The following NR4A3 variants were observed in gnomAD, a reference collection of about 807,000 sequenced individuals.
The protein encoded by NR4A3 is chondrosarcoma, extraskeletal myxoid, fused to EWS.
Under a neutral mutation model 55.6 loss-of-function variants are expected in NR4A3, and 13 were observed. The observed-to-expected ratio is 0.23, with a 90% confidence interval of 0.15 to 0.37. The LOEUF (loss-of-function observed/expected upper bound fraction) is 0.37, where lower values mean the gene tolerates loss of function less well. Ranked by LOEUF, NR4A3 falls within the 10% of genes least tolerant of loss-of-function variation. The probability of loss-of-function intolerance (pLI) is 1.00; values close to 1 mark genes in which losing one functional copy is unlikely to be tolerated. For missense variants in NR4A3, 646 were observed against 822.8 expected (o/e 0.79, Z 2.63); for synonymous variants, 342 against 357.9 (o/e 0.96, Z 0.50).
At chr9:99,837,824 G>T (rs1046950753) in intron 5 of NR4A3, among the ~76,000 whole-genome samples, 11 of 152,192 alleles carry the variant, frequency 7.2e-5, no homozygotes, top group Non-Finnish European at 1.0e-4. Context: ...TGTGTTGCCA[G>T]CCCAGTATGT....
Position 99,864,517 on chromosome 9 carries a change from T to C in NR4A3, c.*650T>C. ...GTCTTACTAAGTCTTGTTTATTAAC[T>C]CTCCTTTATTCTATATGGAAATAAA... is the stretch of plus-strand genomic sequence containing the variant. On this transcript the variant is annotated 3_prime_UTR_variant, in exon 8 of 8. Coordinates refer to ENST00000395097, the MANE Select transcript of NR4A3 (RefSeq NM_006981.4). 1 of 227,102 alleles carries C rather than the reference T, an allele frequency of 4.4e-6. No homozygotes were observed. Among genetic ancestry groups the C allele is most frequent in the East Asian group, 6.4e-5 (1 of 15,686 alleles). 14.1% of individuals were successfully genotyped at this position (227,102 alleles called of 1,614,324 possible).
intron 6 of NR4A3, 148 bp downstream of exon 6, chr9:99,844,996 G>A (rs1453108258): frequency 3.6e-5 from 25 of 701,510 alleles, no homozygotes; most frequent in Middle Eastern, 4.0e-4. Context: ...AGCGAGTCAC[G>A]GAGGGAGCAC....
intron 6 of NR4A3, among the ~76,000 whole-genome samples, chr9:99,845,949 A>G (rs1226763062): frequency 1.3e-5 from 2 of 152,214 alleles, no homozygotes; most frequent in African/African-American, 4.8e-5. Flanking sequence ...CAGCAATGTG[A>G]CTGTCATCTA....
intron 7 of NR4A3, 76 bp downstream of exon 7, chr9:99,847,691 C>A: frequency 7.4e-7 from 1 of 1,352,586 alleles, no homozygotes; most frequent in Non-Finnish European, 1.0e-6. Context: ...GCCTTGACCA[C>A]TACACACACC....
intron 5 of NR4A3, chr9:99,833,819 T>C: frequency 7.7e-7 from 1 of 1,296,128 alleles, no homozygotes; most frequent in East Asian, 3.4e-5. Context: ...GTTCAAACCA[T>C]CTGGGTGAGC....
intron 7 of NR4A3, among the ~76,000 whole-genome samples, chr9:99,853,178 C>G (rs1337042154): frequency 6.6e-6 from 1 of 151,978 alleles, no homozygotes; most frequent in East Asian, 1.9e-4. Flanking sequence ...CTAATATGTA[C>G]TATGCAGAAA....
chr9:99,853,428 C>T (rs1827887823), intron 7 of NR4A3, among the ~76,000 whole-genome samples: 1 of 116,160 alleles, frequency 8.6e-6, no homozygotes, highest in Non-Finnish European at 1.8e-5. Flanking sequence ...GCTGCACCCA[C>T]TAATGTGTCA....
chr9:99,823,701 C>T (rs1427699134), intron 1 of NR4A3, among the ~76,000 whole-genome samples: 2 of 152,102 alleles, frequency 1.3e-5, no homozygotes, highest in Non-Finnish European at 2.9e-5. Flanking sequence ...ATCAAAGCCT[C>T]CTTAGGCCAC....
chr9:99,827,915 GA>G, intron 2 of NR4A3, 125 bp from the exon 3 acceptor site: 1 of 1,153,744 alleles, frequency 8.7e-7, no homozygotes, highest in Non-Finnish European at 1.2e-6. Flanking sequence ...TATGCTACCA[GA>G]AGGAGGAGAG....
rs974974955 is a variant in NR4A3, at chr9:99,866,305, G to A, written c.*2438G>A. On this transcript the variant is annotated 3_prime_UTR_variant, in exon 8 of 8. Coordinates refer to ENST00000395097, the MANE Select transcript of NR4A3 (RefSeq NM_006981.4). The stretch of plus-strand genomic sequence containing the variant: ...GAAAGTTAATCCTTGTTTTTGTCGT[G>A]TCTATAAAGGAAGAACAAAACAAAA... 10 of 221,914 alleles carry A rather than the reference G, an allele frequency of 4.5e-5. No homozygotes were observed. Among genetic ancestry groups the A allele is most frequent in the African/African-American group, 1.8e-4 (8 of 44,834 alleles). The allele number at this position is 221,914 out of a possible 1,614,324, so 13.7% of individuals were successfully genotyped here.
chr9:99,826,939 T>TG, intron 2 of NR4A3: 1 of 699,354 alleles, frequency 1.4e-6, no homozygotes, highest in Non-Finnish European at 2.5e-6. Flanking sequence ...AAACCGCCGT[T>TG]TTTTACCATT....
chr9:99,841,332 A>C (rs949050736), intron 5 of NR4A3, among the ~76,000 whole-genome samples: 2 of 151,970 alleles, frequency 1.3e-5, no homozygotes, highest in Non-Finnish European at 2.9e-5. Flanking sequence ...GGTCTATTAC[A>C]ACACAGAATA....
Position 99,844,770 on chromosome 9 carries a change from C to T in NR4A3, c.1376C>T (p.Thr459Ile). 6.2e-7 allele frequency: 1 copy of T among 1,614,192 alleles called. No homozygotes were observed. The highest frequency in any genetic ancestry group is 2.2e-5 in the East Asian group (1 of 44,882). Residue 459 changes from threonine to isoleucine, a missense_variant, in exon 6 of 8, where the codon ACT (threonine) becomes ATT (isoleucine). Physicochemically the swap from Thr to Ile is moderately conservative, Grantham distance 89. Around this residue, in one of 5 missense-constraint regions of NR4A3, gnomAD observed 163 missense variants for 233.0 expected, o/e 0.70. Transcript: ENST00000395097. ...RSWAEKIPGFTDLPKEDQTLL... is the reference protein window; with the variant it reads ...RSWAEKIPGFIDLPKEDQTLL... ...TGGGCAGAAAAGATTCCGGGATTTA[C>T]TGATCTCCCCAAAGAAGATCAGACA... is the stretch of plus-strand genomic sequence containing the variant.
rs141775492 is a variant in NR4A3 at position 99,828,411 on chromosome 9, G to A, written c.369G>A (p.Pro123=). Residue 123 remains proline, a synonymous_variant, in exon 3 of 8, where the codon CCG becomes CCA. Transcript: ENST00000395097. This position sits in a 1 kb window ranked among gnomAD's most constrained non-coding sequence, Gnocchi z 7.7. ...QQPSIPPASS[P]EDEVLPSTSM... ...CATCCATTCCTCCAGCCTCCAGCCC[G>A]GAGGACGAGGTGCTGCCCAGCACCT... is the stretch of plus-strand genomic sequence containing the variant. 7.6e-5 allele frequency: 120 copies of A among 1,586,038 alleles called. No homozygotes were observed. In the Admixed American group the frequency reaches 1.0e-3, roughly 13 times the overall value.
At position 99,825,694 on chromosome 9, in the gene NR4A3, G is replaced by A. The variant is rs996310299; in HGVS notation, c.-141G>A. ...GGAAGAGGGCAGCCCGGCAAGCCCGGGCCCTGAGCCTGGACCCTTAGCGGT... is the reference window on the plus strand; with the variant it reads ...GGAAGAGGGCAGCCCGGCAAGCCCGAGCCCTGAGCCTGGACCCTTAGCGGT... On this transcript the variant is annotated 5_prime_UTR_variant, in exon 2 of 8. Transcript: ENST00000395097. The surrounding 1 kb of genome is among the most constrained non-coding windows in gnomAD (Gnocchi z 5.0). The A allele has an allele frequency of 4.4e-5, 7 of 158,972 alleles. No individual in the cohort carries two copies. Among genetic ancestry groups the A allele is most frequent in the Non-Finnish European group, 1.4e-5 (1 of 71,776 alleles). The allele number at this position is 158,972 out of a possible 1,614,324, so 9.8% of individuals were successfully genotyped here. A position where few individuals can be genotyped will look rare whatever the true frequency, so the allele number is the denominator to read the frequency against.
rs1412886518 is a variant in NR4A3, at chr9:99,866,396, G to T, written c.*2529G>T. The T allele has an allele frequency of 2.2e-5, 5 of 223,342 alleles. No individual in the cohort carries two copies. Among genetic ancestry groups the T allele is most frequent in the Admixed American group, 1.1e-4 (2 of 17,474 alleles). 13.8% of individuals were successfully genotyped at this position (223,342 alleles called of 1,614,324 possible). On this transcript the variant is annotated 3_prime_UTR_variant, in exon 8 of 8. Coordinates refer to ENST00000395097, the MANE Select transcript of NR4A3 (RefSeq NM_006981.4). ...TTACACCCATCAGATTTAAGGAAAAGACTTTTTAGCCATTATAATCTAGTG... is the reference window on the plus strand; with the variant it reads ...TTACACCCATCAGATTTAAGGAAAATACTTTTTAGCCATTATAATCTAGTG...
chr9:99,846,819 T>C (rs1341216346), intron 6 of NR4A3, among the ~76,000 whole-genome samples: 1 of 152,204 alleles, frequency 6.6e-6, no homozygotes, highest in Non-Finnish European at 1.5e-5. Flanking sequence ...GGCTAATTTT[T>C]GTATTTTTAG....
chr9:99,861,445 G>A (rs1021345083), intron 7 of NR4A3, among the ~76,000 whole-genome samples: 7 of 151,218 alleles, frequency 4.6e-5, no homozygotes, highest in African/African-American at 1.2e-4. Flanking sequence ...TTTTGAAACC[G>A]GGAATGTTGC....
intron 7 of NR4A3, 21 bp from the exon 8 acceptor site, chr9:99,863,599 C>A: frequency 1.2e-6 from 2 of 1,604,508 alleles, no homozygotes; most frequent in Non-Finnish European, 1.7e-6. Flanking sequence ...AAACTTCTTG[C>A]CCTTCTCTAT....
Sources: gnomAD v4.1 joint callset for allele counts (sites outside exome capture counted in the v4.1 genomes callset) on GRCh38, gnomAD v4.1.1 for gene constraint, gnomAD v4.1.1 regional missense constraint, Gnocchi (gnomAD v3.1) non-coding constraint, MANE v1.5 for transcripts, NCBI Gene and HGNC (gene_info 2026-07-23, HGNC 2026-07-21) for gene names.